Variants in CAMKK1 observed in about 807,000 individuals in gnomAD.
The protein encoded by CAMKK1 is calcium/calmodulin dependent protein kinase kinase 1.
A neutral mutation model predicts 63.5 loss-of-function variants in CAMKK1; 20 were observed. That is an observed-to-expected ratio of 0.32 (90% CI 0.22 to 0.46). The LOEUF (loss-of-function observed/expected upper bound fraction) is 0.46, where lower values mean the gene tolerates loss of function less well. Among genes scored for constraint, CAMKK1 ranks in the 20% least tolerant of loss-of-function variants. CAMKK1 has a pLI of 1.00. For missense variants in CAMKK1, 588 were observed against 658.1 expected, an observed-to-expected ratio of 0.89 and a Z score of 1.17; for synonymous variants, 253 against 269.0, an observed-to-expected ratio of 0.94 and a Z score of 0.58.
rs1269296343 is a variant in CAMKK1, at chr17:3,887,006, A to G, written c.-43-1276T>C. Among the ~76,000 whole-genome samples the G allele has an allele frequency of 2.0e-5, 3 of 152,170 alleles. No individual in the cohort carries two copies. The highest frequency in any genetic ancestry group is 7.2e-5 in the African/African-American group (3 of 41,422). On this transcript the variant is annotated intron_variant, in intron 1 of 15. Transcript: ENST00000348335. The surrounding 1 kb of genome is among the most constrained non-coding windows in gnomAD (Gnocchi z 6.1). ...CACAGCAACTGAGAACATGGGTCTC[A>G]GGGAGACCCAGAGTACGCATGGTGA... is the stretch of plus-strand genomic sequence containing the variant.
chr17:3,869,304 C>T (rs992273834), intron 14 of CAMKK1, among the ~76,000 whole-genome samples, 183 bp downstream of exon 14: 4 of 152,220 alleles, frequency 2.6e-5, no homozygotes, highest in African/African-American at 9.6e-5. Context: ...ACCAAGCCTC[C>T]TGGTCTCCCG....
At chr17:3,868,905 G>A (rs1252780448) in intron 14 of CAMKK1, among the ~76,000 whole-genome samples, 23 of 151,918 alleles carry the variant, frequency 1.5e-4, no homozygotes, top group Middle Eastern at 3.4e-3. Context: ...CACCCGCCTC[G>A]GCCTCCCAAA....
At chr17:3,863,601 TG>T (rs573459080) in intron 15 of CAMKK1, among the ~76,000 whole-genome samples, 138 of 152,242 alleles carry the variant, frequency 9.1e-4, no homozygotes, top group African/African-American at 3.2e-3. Context: ...AGGCTGGGTG[TG>T]GTGGCTCATG....
chr17:3,871,333 G>GGTTTTTTTTTTTTTTTTTTTTTTTTT (rs1567617833), intron 12 of CAMKK1, among the ~76,000 whole-genome samples: 1 of 111,006 alleles, frequency 9.0e-6, no homozygotes, highest in African/African-American at 3.2e-5. Flanking sequence ...GTTGTTTTTT[G>GGTTTTTTTTTTTTTTTTTTTTTTTTT]TTTTTTTTTT....
chr17:3,884,527 C>T lies in CAMKK1; in HGVS notation c.361-100G>A. 1 of 1,097,956 alleles carries T rather than the reference C, an allele frequency of 9.1e-7. No homozygotes were observed. Among genetic ancestry groups the T allele is most frequent in the Non-Finnish European group, 1.3e-6 (1 of 758,606 alleles). 68.0% of individuals were successfully genotyped at this position (1,097,956 alleles called of 1,614,324 possible). On this transcript the variant is annotated intron_variant, in intron 2 of 15. Coordinates refer to ENST00000348335, the MANE Select transcript of CAMKK1 (RefSeq NM_032294.3). This position sits in a 1 kb window ranked among gnomAD's most constrained non-coding sequence, Gnocchi z 4.5. ...GGTCCAATTCTGGCCATAAGCTCCTCATTCCCGGACCCCCAGGTCTCACCA... is the reference window on the plus strand; with the variant it reads ...GGTCCAATTCTGGCCATAAGCTCCTTATTCCCGGACCCCCAGGTCTCACCA...
At position 3,873,475 on chromosome 17, in the gene CAMKK1, A is replaced by G. The variant is rs2054988964; in HGVS notation, c.997-13T>C. On this transcript the variant is annotated splice_polypyrimidine_tract_variant and intron_variant, in intron 10 of 15. Coordinates refer to ENST00000348335, the MANE Select transcript of CAMKK1 (RefSeq NM_032294.3). ...ATACATCCAAGGCCTGGAAAGAAAC[A>G]TGCTCACATCAGTCCCCAACAGGCA... The G allele has an allele frequency of 6.2e-7, 1 of 1,613,904 alleles. No individual in the cohort carries two copies. Among genetic ancestry groups the G allele is most frequent in the Non-Finnish European group, 8.5e-7 (1 of 1,179,856 alleles).
At position 3,883,301 on chromosome 17, in the gene CAMKK1, G is replaced by C. The variant is rs2055496737; in HGVS notation, c.515-126C>G. 6.7e-7 allele frequency: 1 copy of C among 1,481,676 alleles called. No individual in the cohort carries two copies. The highest frequency in any genetic ancestry group is 9.4e-7 in the Non-Finnish European group (1 of 1,066,868). The allele number at this position is 1,481,676 out of a possible 1,614,324, so 91.8% of individuals were successfully genotyped here. A position where few individuals can be genotyped will look rare whatever the true frequency, so the allele number is the denominator to read the frequency against. On this transcript the variant is annotated intron_variant, in intron 5 of 15. Transcript: ENST00000348335. The surrounding 1 kb of genome is among the most constrained non-coding windows in gnomAD (Gnocchi z 4.7). ...TGTCCCAACCCACAGGGCACATTCT[G>C]TCCCCAGGCCTCTGCTCACGCTGTC...
rs1379859269 is a variant in CAMKK1 at position 3,893,031 on chromosome 17, C to T, written c.-136G>A. 1.3e-5 allele frequency: 2 copies of T among 148,994 alleles called. No homozygotes were observed. Among genetic ancestry groups the T allele is most frequent in the African/African-American group, 4.9e-5 (2 of 40,976 alleles). The allele number at this position is 148,994 out of a possible 1,614,324, so 9.2% of individuals were successfully genotyped here. A position where few individuals can be genotyped will look rare whatever the true frequency, so the allele number is the denominator to read the frequency against. On this transcript the variant is annotated 5_prime_UTR_variant, in exon 1 of 16. Coordinates refer to ENST00000348335, the MANE Select transcript of CAMKK1 (RefSeq NM_032294.3). The surrounding 1 kb of genome is among the most constrained non-coding windows in gnomAD (Gnocchi z 4.6). ...CCCGCCCCGCCCCGCCCCACCGCCT[C>T]GCTGGGGCCCAGATCGCCGAGCTCA... is the stretch of plus-strand genomic sequence containing the variant.
intron 14 of CAMKK1, among the ~76,000 whole-genome samples, chr17:3,868,153 T>A (rs1160598357): frequency 8.9e-5 from 1 of 11,276 alleles, no homozygotes; most frequent in Admixed American, 7.6e-4. Context: ...GCAGGCGCCG[T>A]CTAACTGATA....
intron 7 of CAMKK1, chr17:3,881,985 C>A (rs1408013764): frequency 1.9e-5 from 10 of 524,816 alleles, no homozygotes; most frequent in African/African-American, 1.9e-5. Context: ...GAGACTAAAG[C>A]CTCAGCCTCT....
chr17:3,873,726 A>T (rs56205730), intron 10 of CAMKK1, among the ~76,000 whole-genome samples: 27,200 of 152,124 alleles, frequency 0.18, 4,580 homozygotes, highest in African/African-American at 0.44. Context: ...CCAACTCAAC[A>T]GGTACAAAAC....
In CAMKK1 at chr17:3,883,980, C is replaced by T. The variant is rs2055532139; in HGVS notation, c.409-43G>A. 2 of 1,597,760 alleles carry T rather than the reference C, an allele frequency of 1.3e-6. No individual in the cohort carries two copies. On this transcript the variant is annotated intron_variant, in intron 3 of 15. Coordinates refer to ENST00000348335, the MANE Select transcript of CAMKK1 (RefSeq NM_032294.3). This position sits in a 1 kb window ranked among gnomAD's most constrained non-coding sequence, Gnocchi z 4.7. ...TCAGCCCCACCTGGACAGGGCAACC[C>T]CTCCCAGGACCAGCTCAGGAGGTGG...
chr17:3,871,604 C>T (rs1359149865), intron 12 of CAMKK1, among the ~76,000 whole-genome samples: 4 of 150,122 alleles, frequency 2.7e-5, no homozygotes, highest in Non-Finnish European at 5.9e-5. Flanking sequence ...GATCCGCCCT[C>T]CTTGGCCTCC....
intron 8 of CAMKK1, 33 bp from the exon 9 acceptor site, chr17:3,880,467 C>G: frequency 6.3e-7 from 1 of 1,580,724 alleles, no homozygotes; most frequent in Non-Finnish European, 8.7e-7. Context: ...GGGCATTCAG[C>G]TGAAATCAGG....
chr17:3,880,300 A>G (rs903318131), intron 9 of CAMKK1, 46 bp downstream of exon 9: 2 of 1,542,614 alleles, frequency 1.3e-6, no homozygotes, highest in Non-Finnish European at 1.8e-6. Flanking sequence ...GCCGCCTGCC[A>G]GATCCCCTAG....
chr17:3,884,275 A>C lies in CAMKK1; in HGVS notation c.408+105T>G. ...ACGAAACTGTCCTCACCTCCAGGCT[A>C]GGACTTGCCTGGCTCTGCCTCCCGT... On this transcript the variant is annotated intron_variant, in intron 3 of 15. Transcript: ENST00000348335. This position sits in a 1 kb window ranked among gnomAD's most constrained non-coding sequence, Gnocchi z 4.5. The C allele has an allele frequency of 7.9e-7, 1 of 1,272,406 alleles. No homozygotes were observed. Among genetic ancestry groups the C allele is most frequent in the Non-Finnish European group, 1.1e-6 (1 of 877,904 alleles). The allele number at this position is 1,272,406 out of a possible 1,614,324, so 78.8% of individuals were successfully genotyped here. A position where few individuals can be genotyped will look rare whatever the true frequency, so the allele number is the denominator to read the frequency against.
rs1308747492 is a variant in CAMKK1, at chr17:3,890,576, A to G, written c.-44+2363T>C. 1.3e-6 allele frequency: 1 copy of G among 764,574 alleles called. No individual in the cohort carries two copies. The highest frequency in any genetic ancestry group is 2.5e-6 in the Non-Finnish European group (1 of 408,116). The allele number at this position is 764,574 out of a possible 1,614,324, so 47.4% of individuals were successfully genotyped here. On this transcript the variant is annotated intron_variant, in intron 1 of 15. Coordinates refer to ENST00000348335, the MANE Select transcript of CAMKK1 (RefSeq NM_032294.3). This position sits in a 1 kb window ranked among gnomAD's most constrained non-coding sequence, Gnocchi z 6.5. ...CTCGTCCTCCTCTGTCTCCATTGCG[A>G]GACGGGTACCACACCCTCCCCATTC... is the stretch of plus-strand genomic sequence containing the variant.
intron 1 of CAMKK1, among the ~76,000 whole-genome samples, chr17:3,886,160 G>A (rs2055643261): frequency 6.6e-6 from 1 of 152,192 alleles, no homozygotes; most frequent in East Asian, 1.9e-4. Flanking sequence ...CTGCCTCCTG[G>A]AAGCTGAGCT....
At chr17:3,872,413 C>T (rs966329520) in intron 12 of CAMKK1, 141 bp downstream of exon 12, 1 of 681,040 alleles carries the variant, frequency 1.5e-6, no homozygotes, top group Admixed American at 2.4e-5. Flanking sequence ...TCCATCTATT[C>T]AGGGGTCCCT....
Sources: gnomAD v4.1 joint callset for allele counts (sites outside exome capture counted in the v4.1 genomes callset) on GRCh38, gnomAD v4.1.1 for gene constraint, Gnocchi (gnomAD v3.1) non-coding constraint, MANE v1.5 for transcripts, NCBI Gene and HGNC (gene_info 2026-07-23, HGNC 2026-07-21) for gene names.